Variants in CACNA1D observed in about 807,000 individuals in gnomAD.
CACNA1D encodes voltage-dependent L-type calcium channel subunit alpha-1D.
Under a neutral mutation model 257.1 loss-of-function variants are expected in CACNA1D, and 55 were observed. The observed-to-expected ratio is 0.21, with a 90% CI of 0.17 to 0.27. The LOEUF is 0.27. Among genes scored for constraint, CACNA1D ranks in the 10% least tolerant of loss-of-function variants. The pLI is 1.00. For synonymous variants in CACNA1D, 980 were observed against 1,014.9 expected (o/e 0.97, Z 0.65); for missense variants, 1,876 against 2,784.0 (o/e 0.67, Z 7.34).
intron 17 of CACNA1D, 87 bp from the exon 18 acceptor site, chr3:53,731,929 C>G (rs2094997156): frequency 5.9e-6 from 5 of 850,688 alleles, no homozygotes; most frequent in Non-Finnish European, 1.0e-5. Flanking sequence ...AATCCATGCC[C>G]TATGCTGGAC....
chr3:53,687,158 C>T (rs535717157), intron 8 of CACNA1D, among the ~76,000 whole-genome samples: 2 of 151,960 alleles, frequency 1.3e-5, no homozygotes, highest in Admixed American at 1.3e-4. Flanking sequence ...GAAGATATAC[C>T]ATGCCCATGG....
At chr3:53,796,125 C>T in intron 40 of CACNA1D, 1 of 282,234 alleles carries the variant, frequency 3.5e-6, no homozygotes, top group South Asian at 3.4e-5. Flanking sequence ...AGAACTTAAT[C>T]TCATTCTGTT....
Position 53,586,428 on chromosome 3 carries a change from A to G in CACNA1D, c.484-64351A>G, listed in dbSNP as rs149419423. On this transcript the variant is annotated intron_variant, in intron 3 of 47. Transcript: ENST00000350061. The stretch of plus-strand genomic sequence containing the variant: ...TTTTCCTCATTCTCTTCGAGGTAAC[A>G]AGTCCTCACCTATTTTTTTTTTTGT... Among the ~76,000 whole-genome samples the G allele has an allele frequency of 6.9e-3, 1,017 of 147,418 alleles. 18 individuals carry two copies. Among genetic ancestry groups the G allele is most frequent in the African/African-American group, 0.024 (967 of 40,064 alleles).
intron 3 of CACNA1D, among the ~76,000 whole-genome samples, chr3:53,642,916 G>A (rs905482465): frequency 6.6e-6 from 1 of 152,214 alleles, no homozygotes; most frequent in Non-Finnish European, 1.5e-5. Context: ...GTCAGGGCGA[G>A]CCTTCCATTG....
At chr3:53,728,668 G>A (rs997437637) in intron 15 of CACNA1D, among the ~76,000 whole-genome samples, 1 of 152,194 alleles carries the variant, frequency 6.6e-6, no homozygotes, top group Non-Finnish European at 1.5e-5. Context: ...GTATTCCCTG[G>A]TGCTTGTCTG....
At chr3:53,718,728 T>C (rs1351432852) in intron 10 of CACNA1D, 1 of 1,556,890 alleles carries the variant, frequency 6.4e-7, no homozygotes, top group Admixed American at 1.9e-5. Flanking sequence ...GCCCTCTGGG[T>C]GTCGGCGGTG....
At chr3:53,738,773 G>A (rs1054002882) in intron 20 of CACNA1D, among the ~76,000 whole-genome samples, 3 of 151,926 alleles carry the variant, frequency 2.0e-5, no homozygotes, top group African/African-American at 4.8e-5. Context: ...AAAAGAGAGC[G>A]AGAGAATGCA....
intron 3 of CACNA1D, among the ~76,000 whole-genome samples, chr3:53,518,236 T>A (rs2091420086): frequency 6.6e-6 from 1 of 152,254 alleles, no homozygotes; most frequent in African/African-American, 2.4e-5. Context: ...AACCACAGAC[T>A]TGCTTGTGTT....
chr3:53,514,013 C>T (rs941314374), intron 3 of CACNA1D, among the ~76,000 whole-genome samples: 3 of 152,134 alleles, frequency 2.0e-5, no homozygotes, highest in Non-Finnish European at 4.4e-5. Context: ...CCTAACAATG[C>T]ACTTTTCAGG....
intron 11 of CACNA1D, among the ~76,000 whole-genome samples, chr3:53,720,163 G>T (rs145369482): frequency 6.6e-6 from 1 of 152,286 alleles, no homozygotes; most frequent in East Asian, 1.9e-4. Flanking sequence ...TACGTGTTCA[G>T]TTGGTAAAAC....
intron 3 of CACNA1D, among the ~76,000 whole-genome samples, chr3:53,577,593 A>T (rs2107726926): frequency 6.6e-6 from 1 of 152,232 alleles, no homozygotes. Context: ...TGGCCAGAAG[A>T]TGGAGTCACT....
rs147891093 is a variant in CACNA1D, at chr3:53,798,391, A to G, written c.4924-1858A>G. Among the ~76,000 whole-genome samples the G allele has an allele frequency of 1.8e-3, 278 of 152,304 alleles. 1 individual carries two copies. The highest frequency in any genetic ancestry group is 9.1e-3 in the South Asian group (44 of 4,830). On this transcript the variant is annotated intron_variant, in intron 40 of 47. Coordinates refer to ENST00000350061, the MANE Select transcript of CACNA1D (RefSeq NM_001128840.3). ...TATGCACAAGCATACCCACATGTGCATATGTGTACACACATGCATCCTGAG... is the reference window on the plus strand; with the variant it reads ...TATGCACAAGCATACCCACATGTGCGTATGTGTACACACATGCATCCTGAG...
chr3:53,704,268 G>A (rs1325833301), intron 9 of CACNA1D, among the ~76,000 whole-genome samples: 2 of 152,122 alleles, frequency 1.3e-5, no homozygotes, highest in African/African-American at 2.4e-5. Context: ...TCCATGGGGA[G>A]GGAGTGTGTT....
At chr3:53,529,943 G>C (rs1225234051) in intron 3 of CACNA1D, among the ~76,000 whole-genome samples, 2 of 152,064 alleles carry the variant, frequency 1.3e-5, no homozygotes, top group African/African-American at 4.8e-5. Flanking sequence ...TTCCAAGTAA[G>C]AGCTTAAATT....
chr3:53,618,382 G>A (rs921116048), intron 3 of CACNA1D, among the ~76,000 whole-genome samples: 3 of 152,194 alleles, frequency 2.0e-5, no homozygotes, highest in East Asian at 1.9e-4. Context: ...GTGCTGATGC[G>A]GAGACTTCCC....
Position 53,499,852 on chromosome 3 carries a change from G to C in CACNA1D, c.378-1763G>C, listed in dbSNP as rs921996272. ...GGGCCCTTGACTTTAGATTTCAGTG[G>C]GGACCTACAAAAAGGAAAAATGGAA... On this transcript the variant is annotated intron_variant, in intron 2 of 47. Transcript: ENST00000350061. Among the ~76,000 whole-genome samples the C allele has an allele frequency of 2.0e-4, 30 of 152,012 alleles. 1 individual carries two copies. The highest frequency in any genetic ancestry group is 1.4e-3 in the Admixed American group (22 of 15,256).
intron 3 of CACNA1D, among the ~76,000 whole-genome samples, chr3:53,605,759 C>G (rs1270214787): frequency 6.6e-6 from 1 of 152,184 alleles, no homozygotes. Context: ...GTCTGTTCTC[C>G]CCTTCCAGAG....
At chr3:53,508,622 A>G (rs371139163) in intron 3 of CACNA1D, among the ~76,000 whole-genome samples, 15 of 152,344 alleles carry the variant, frequency 9.8e-5, no homozygotes, top group African/African-American at 3.4e-4. Context: ...CAATGATTGC[A>G]TCAGAAACAG....
At chr3:53,740,622 C>A in intron 21 of CACNA1D, 2 of 404,434 alleles carry the variant, frequency 4.9e-6, no homozygotes, top group Non-Finnish European at 8.9e-6. Context: ...TTTTTTAAAC[C>A]GAAGGATTTT....
Sources: gnomAD v4.1 joint callset for allele counts (sites outside exome capture counted in the v4.1 genomes callset) on GRCh38, gnomAD v4.1.1 for gene constraint, MANE v1.5 for transcripts, NCBI Gene and HGNC (gene_info 2026-07-23, HGNC 2026-07-21) for gene names.